Variants in FRRS1L observed in about 807,000 individuals in gnomAD.
FRRS1L encodes ferric chelate reductase 1 like.
A neutral mutation model predicts 28.6 loss-of-function variants in FRRS1L; 22 were observed. That is an observed-to-expected ratio of 0.77 (90% confidence interval 0.55 to 1.10). The LOEUF is 1.10. FRRS1L is among the 50% of genes least tolerant of loss of function. The pLI is 0.00. For missense variants in FRRS1L, 380 were observed against 386.9 expected, an observed-to-expected ratio of 0.98 and a Z score of 0.15; for synonymous variants, 158 against 151.4, an observed-to-expected ratio of 1.04 and a Z score of -0.32.
intron 1 of FRRS1L, among the ~76,000 whole-genome samples, chr9:109,156,899 C>T (rs1019748099): frequency 2.6e-5 from 4 of 152,002 alleles, no homozygotes; most frequent in African/African-American, 7.2e-5. Context: ...TCTCCAACTC[C>T]CAGGCTCAAG....
At chr9:109,160,356 G>T (rs1301237380) in intron 1 of FRRS1L, among the ~76,000 whole-genome samples, 2 of 152,122 alleles carry the variant, frequency 1.3e-5, no homozygotes, top group African/African-American at 4.8e-5. Flanking sequence ...TCAGTCCTAA[G>T]TTTCTCCCTT....
At chr9:109,164,991 G>A (rs1831529798) in intron 1 of FRRS1L, among the ~76,000 whole-genome samples, 1 of 152,120 alleles carries the variant, frequency 6.6e-6, no homozygotes, top group African/African-American at 2.4e-5. Context: ...CATTCTCTCT[G>A]CAGAGAGACT....
chr9:109,144,034 C>A (rs1478741178), intron 3 of FRRS1L, among the ~76,000 whole-genome samples: 1 of 152,156 alleles, frequency 6.6e-6, no homozygotes, highest in African/African-American at 2.4e-5. Flanking sequence ...CTGCCTCACT[C>A]CCCTAATCTT....
chr9:109,152,357 T>A (rs1339941160), intron 1 of FRRS1L, among the ~76,000 whole-genome samples: 1 of 151,642 alleles, frequency 6.6e-6, no homozygotes, highest in Non-Finnish European at 1.5e-5. Flanking sequence ...ACCATGTTGG[T>A]CAGGCTGGTC....
At chr9:109,153,455 G>A (rs1032417315) in intron 1 of FRRS1L, among the ~76,000 whole-genome samples, 2 of 152,170 alleles carry the variant, frequency 1.3e-5, no homozygotes, top group African/African-American at 2.4e-5. Context: ...CGAGGAGAAG[G>A]CATGGAAACT....
At chr9:109,143,213 G>A (rs1191931720) in intron 3 of FRRS1L, among the ~76,000 whole-genome samples, 1 of 152,022 alleles carries the variant, frequency 6.6e-6, no homozygotes, top group Non-Finnish European at 1.5e-5. Context: ...TACTTGGGAG[G>A]CTGAGGCAGG....
At chr9:109,147,223 C>T in intron 2 of FRRS1L, 34 bp from the exon 3 acceptor site, 1 of 1,581,976 alleles carries the variant, frequency 6.3e-7, no homozygotes, top group Non-Finnish European at 8.7e-7. Context: ...TTTACTGCTT[C>T]TACTTACACA....
chr9:109,134,725 A>G lies in FRRS1L; in HGVS notation c.*2730T>C, dbSNP rs1333300116. On this transcript the variant is annotated 3_prime_UTR_variant, in exon 5 of 5. Coordinates refer to ENST00000561981, the MANE Select transcript of FRRS1L (RefSeq NM_014334.4). ...AGAAATGTAAGCGGAAGGAAGCTGC[A>G]TTCACTTCTTCCTTCCCTGCCTGCT... 1 of 152,246 alleles carries G rather than the reference A, an allele frequency of 6.6e-6. No individual in the cohort carries two copies. Among genetic ancestry groups the G allele is most frequent in the African/African-American group, 2.4e-5 (1 of 41,468 alleles). The allele number at this position is 152,246 out of a possible 1,614,324, so 9.4% of individuals were successfully genotyped here.
At chr9:109,158,502 C>A (rs1831437499) in intron 1 of FRRS1L, among the ~76,000 whole-genome samples, 1 of 152,172 alleles carries the variant, frequency 6.6e-6, no homozygotes, top group Non-Finnish European at 1.5e-5. Flanking sequence ...AATTCCCCCT[C>A]CTCTCAGCCC....
chr9:109,147,203 C>A lies in FRRS1L; in HGVS notation c.324-14G>T, dbSNP rs548150656. 5 of 1,604,498 alleles carry A rather than the reference C, an allele frequency of 3.1e-6. No individual in the cohort carries two copies. In the South Asian group the frequency reaches 5.5e-5, roughly 18 times the overall value. ...GGTTTGCCATATCTAGAAGAGATAT[C>A]GAAAGAGACTTTACTGCTTCTACTT... On this transcript the variant is annotated splice_polypyrimidine_tract_variant and intron_variant, in intron 2 of 4. Transcript: ENST00000561981.
At chr9:109,144,099 T>A (rs775217287) in intron 3 of FRRS1L, among the ~76,000 whole-genome samples, 1 of 152,112 alleles carries the variant, frequency 6.6e-6, no homozygotes, top group African/African-American at 2.4e-5. Flanking sequence ...TCACTTTCAA[T>A]GCAAGCCAGC....
chr9:109,146,027 C>G (rs748811907), intron 3 of FRRS1L, among the ~76,000 whole-genome samples: 1 of 152,122 alleles, frequency 6.6e-6, no homozygotes, highest in African/African-American at 2.4e-5. Flanking sequence ...GAAACCTCGT[C>G]TCTACTAAAA....
At position 109,141,565 on chromosome 9, in the gene FRRS1L, C is replaced by T. The variant is rs374214528; in HGVS notation, c.487G>A (p.Val163Ile). ...CGGACCCTGCCATTGTCATCATGGA[C>T]GCAGGCCATGACATCATCACCACCC... ...KMGGDDVMAC[V>I]HDDNGRVRIQ... Residue 163 changes from valine to isoleucine, a missense_variant, in exon 4 of 5, where the codon GTC (valine) becomes ATC (isoleucine). Val to Ile is a conservative substitution (Grantham distance 29). Transcript: ENST00000561981. 2.0e-5 allele frequency: 33 copies of T among 1,613,494 alleles called. No individual in the cohort carries two copies. The highest frequency in any genetic ancestry group is 1.6e-4 in the Middle Eastern group (1 of 6,084).
chr9:109,160,465 C>CAGTGGTATGAACAAGGCTCACTGT (rs11268890), intron 1 of FRRS1L, among the ~76,000 whole-genome samples: 8 of 151,932 alleles, frequency 5.3e-5, no homozygotes, highest in Non-Finnish European at 1.2e-4. Context: ...GACTGGAGCA[C>CAGTGGTATGAACAAGGCTCACTGT]AGCCTCGACC....
In FRRS1L at chr9:109,137,395, A is replaced by G; in HGVS notation, c.*60T>C. The G allele has an allele frequency of 9.3e-7, 1 of 1,078,572 alleles. No individual in the cohort carries two copies. Among genetic ancestry groups the G allele is most frequent in the Non-Finnish European group, 1.3e-6 (1 of 790,074 alleles). 66.8% of individuals were successfully genotyped at this position (1,078,572 alleles called of 1,614,324 possible). Reference sequence around the variant, plus strand: ...TAAAATTATACTGGATATTCTTTAAAAAATATATTTATACTAAAGACTTCC... The same window carrying G: ...TAAAATTATACTGGATATTCTTTAAGAAATATATTTATACTAAAGACTTCC... On this transcript the variant is annotated 3_prime_UTR_variant, in exon 5 of 5. Coordinates refer to ENST00000561981, the MANE Select transcript of FRRS1L (RefSeq NM_014334.4).
chr9:109,153,246 T>G (rs1050247128), intron 1 of FRRS1L, among the ~76,000 whole-genome samples: 2 of 152,128 alleles, frequency 1.3e-5, no homozygotes, highest in African/African-American at 4.8e-5. Context: ...AACCATGTAA[T>G]TAGAAGGTTG....
chr9:109,143,905 T>C (rs1831221338), intron 3 of FRRS1L, among the ~76,000 whole-genome samples: 1 of 152,146 alleles, frequency 6.6e-6, no homozygotes, highest in South Asian at 2.1e-4. Context: ...TAATCTGTGC[T>C]TTTTCTTGGA....
At chr9:109,158,320 C>T (rs73520994) in intron 1 of FRRS1L, among the ~76,000 whole-genome samples, 4,254 of 152,166 alleles carry the variant, frequency 0.028, 219 homozygotes, top group African/African-American at 0.098. Flanking sequence ...AGCTTATCTG[C>T]TTTCATTTTT....
rs552187442 is a variant in FRRS1L, at chr9:109,134,106, G to A, written c.*3349C>T. On this transcript the variant is annotated 3_prime_UTR_variant, in exon 5 of 5. Coordinates refer to ENST00000561981, the MANE Select transcript of FRRS1L (RefSeq NM_014334.4). ...AATTATTTATGGTTTGAGCATAGGAGGAAGAATATAAAAATGTTGGCCAGT... is the reference window on the plus strand; with the variant it reads ...AATTATTTATGGTTTGAGCATAGGAAGAAGAATATAAAAATGTTGGCCAGT... 3.3e-5 allele frequency: 5 copies of A among 152,266 alleles called. No homozygotes were observed. The East Asian group carries it at 9.7e-4, about 29-fold the overall frequency. The allele number at this position is 152,266 out of a possible 1,614,324, so 9.4% of individuals were successfully genotyped here.
Sources: gnomAD v4.1 joint callset for allele counts (sites outside exome capture counted in the v4.1 genomes callset) on GRCh38, gnomAD v4.1.1 for gene constraint, MANE v1.5 for transcripts, NCBI Gene and HGNC (gene_info 2026-07-23, HGNC 2026-07-21) for gene names.